Variants in USH2A observed in about 807,000 individuals in gnomAD.
USH2A encodes the protein usherin.
A neutral mutation model predicts 538.9 loss-of-function variants in USH2A; 443 were observed. The ratio of observed to expected loss-of-function variants is 0.82; its 90% CI spans 0.76 to 0.89. The LOEUF (loss-of-function observed/expected upper bound fraction) is 0.89, where lower values mean the gene tolerates loss of function less well. Among genes scored for constraint, USH2A ranks in the 40% least tolerant of loss-of-function variants. USH2A has a pLI of 0.00. For missense variants in USH2A, 6,633 were observed against 6,324.8 expected (o/e 1.05, Z -1.65); for synonymous variants, 2,413 against 2,273.5 (o/e 1.06, Z -1.75).
chr1:216,078,607 T>A (rs2031833760), intron 26 of USH2A, among the ~76,000 whole-genome samples: 1 of 152,142 alleles, frequency 6.6e-6, no homozygotes, highest in South Asian at 2.1e-4. Flanking sequence ...GATTATAGGA[T>A]GTGATGCGAT....
chr1:216,140,393 C>T lies in USH2A; in HGVS notation c.4627+34859G>A, dbSNP rs114133418. On this transcript the variant is annotated intron_variant, in intron 21 of 71. Coordinates refer to ENST00000307340, the MANE Select transcript of USH2A (RefSeq NM_206933.4). ...GACTTCTTAGGGCCATAGATTGTGCCGTGTCTGCTTAGACATCTGTATATT... is the reference window on the plus strand; with the variant it reads ...GACTTCTTAGGGCCATAGATTGTGCTGTGTCTGCTTAGACATCTGTATATT... 3.6e-3 allele frequency among the ~76,000 whole-genome samples: 546 copies of T among 152,148 alleles called. 3 individuals are homozygous for T. The highest frequency in any genetic ancestry group is 0.013 in the African/African-American group (527 of 41,508).
intron 61 of USH2A, among the ~76,000 whole-genome samples, chr1:215,685,296 A>G (rs1294466366): frequency 6.7e-6 from 1 of 149,230 alleles, no homozygotes; most frequent in African/African-American, 2.5e-5. Flanking sequence ...TGATCAACAT[A>G]TTTATGTCTA....
chr1:215,743,079 C>G, intron 59 of USH2A, 98 bp downstream of exon 59: 3 of 1,452,904 alleles, frequency 2.1e-6, no homozygotes, highest in Middle Eastern at 4.2e-4. Context: ...AAACGTTAGT[C>G]TTTATATTTG....
At chr1:216,312,099 T>A (rs2037431740) in intron 9 of USH2A, among the ~76,000 whole-genome samples, 1 of 152,104 alleles carries the variant, frequency 6.6e-6, no homozygotes, top group Non-Finnish European at 1.5e-5. Flanking sequence ...AAAAGTCTAC[T>A]GGTTTTTGTT....
intron 3 of USH2A, among the ~76,000 whole-genome samples, chr1:216,417,418 G>C (rs2039594434): frequency 6.6e-6 from 1 of 152,060 alleles, no homozygotes; most frequent in African/African-American, 2.4e-5. Context: ...AGCACCCCAA[G>C]TTACATGATT....
At position 215,750,650 on chromosome 1, in the gene USH2A, A is replaced by G. The variant is rs145297684; in HGVS notation, c.11390-7315T>C. Among the ~76,000 whole-genome samples, 515 of 152,322 alleles carry G rather than the reference A, an allele frequency of 3.4e-3. 11 individuals carry two copies. The highest frequency in any genetic ancestry group is 0.012 in the African/African-American group (492 of 41,576). Reference sequence around the variant, plus strand: ...GGGATTACAGTAGAACTCATGAAAAATCATTTGCTTTCCGCACGTTTAGGT... The same window carrying G: ...GGGATTACAGTAGAACTCATGAAAAGTCATTTGCTTTCCGCACGTTTAGGT... On this transcript the variant is annotated intron_variant, in intron 58 of 71. Transcript: ENST00000307340.
intron 44 of USH2A, among the ~76,000 whole-genome samples, chr1:215,846,539 T>C (rs1208458241): frequency 1.3e-5 from 2 of 152,138 alleles, no homozygotes; most frequent in Non-Finnish European, 2.9e-5. Context: ...ATAATTTGCG[T>C]TTTTTCCCAA....
Position 216,328,212 on chromosome 1 carries a change from A to G in USH2A, c.785-558T>C, listed in dbSNP as rs117402541. Among the ~76,000 whole-genome samples the G allele has an allele frequency of 4.0e-4, 61 of 152,222 alleles. 1 individual carries two copies. In the East Asian group the frequency reaches 0.012, roughly 29 times the overall value. On this transcript the variant is annotated intron_variant, in intron 4 of 71. Coordinates refer to ENST00000307340, the MANE Select transcript of USH2A (RefSeq NM_206933.4). ...AGGTTCTGTGTCATTCACATATATC[A>G]ATAGTATCATAGTTCACTCTCAGAA...
intron 61 of USH2A, among the ~76,000 whole-genome samples, chr1:215,699,174 C>T (rs372470146): frequency 5.9e-5 from 9 of 152,018 alleles, no homozygotes; most frequent in African/African-American, 1.9e-4. Context: ...TTTCATTGGT[C>T]TATATATCTG....
At chr1:215,896,610 C>T (rs1380066438) in intron 40 of USH2A, among the ~76,000 whole-genome samples, 1 of 152,120 alleles carries the variant, frequency 6.6e-6, no homozygotes, top group Non-Finnish European at 1.5e-5. Context: ...TCCCTGCCAA[C>T]TCTAATTTCT....
At chr1:215,724,096 A>C (rs373074024) in intron 61 of USH2A, among the ~76,000 whole-genome samples, 3 of 113,372 alleles carry the variant, frequency 2.6e-5, no homozygotes, top group Admixed American at 9.3e-5. Flanking sequence ...ATCTATATCT[A>C]TATCATCTAT....
intron 47 of USH2A, among the ~76,000 whole-genome samples, chr1:215,836,489 TATATATATA>T (rs1472838728): frequency 3.9e-4 from 1 of 2,534 alleles, no homozygotes; most frequent in Non-Finnish European, 2.1e-3. Context: ...TAATATATAT[TATATATATA>T]ATATATATTA....
intron 21 of USH2A, among the ~76,000 whole-genome samples, chr1:216,110,239 T>A (rs2032834965): frequency 6.6e-6 from 1 of 152,156 alleles, no homozygotes; most frequent in Non-Finnish European, 1.5e-5. Flanking sequence ...ATGCCTATAG[T>A]CTCAGCTATT....
At chr1:216,172,930 A>T (rs2034299322) in intron 21 of USH2A, among the ~76,000 whole-genome samples, 1 of 152,148 alleles carries the variant, frequency 6.6e-6, no homozygotes, top group African/African-American at 2.4e-5. Context: ...TGTAGCAGAG[A>T]CCTTGCCTTT....
chr1:215,845,875 C>T lies in USH2A; in HGVS notation c.9004G>A (p.Gly3002Arg). Residue 3002 changes from glycine (G) to arginine (R), a missense_variant, in exon 45 of 72, where the codon GGA becomes AGA. Physicochemically the swap from Gly to Arg is moderately radical, Grantham distance 125. Transcript: ENST00000307340. ...EYWIFISVFN[G>R]VHSINSAGLH... ...CCTGCACTGTTGATGCTGTGGACTC[C>T]ATTGAAGACAGAGATAAAGATCCAA... 1 of 1,613,842 alleles carries T rather than the reference C, an allele frequency of 6.2e-7. No homozygotes were observed. The highest frequency in any genetic ancestry group is 8.5e-7 in the Non-Finnish European group (1 of 1,179,914).
At chr1:216,035,228 A>C (rs922487817) in intron 32 of USH2A, among the ~76,000 whole-genome samples, 6 of 152,160 alleles carry the variant, frequency 3.9e-5, no homozygotes, top group Non-Finnish European at 8.8e-5. Context: ...AGCCTCTAGA[A>C]CTGCAGTTGT....
intron 21 of USH2A, among the ~76,000 whole-genome samples, chr1:216,165,680 C>T (rs1281411170): frequency 6.6e-6 from 1 of 152,094 alleles, no homozygotes; most frequent in African/African-American, 2.4e-5. Flanking sequence ...TTCTATCACT[C>T]ATTTAGTTAA....
chr1:215,795,697 A>G (rs948986712), intron 50 of USH2A, among the ~76,000 whole-genome samples: 1 of 152,120 alleles, frequency 6.6e-6, no homozygotes, highest in Non-Finnish European at 1.5e-5. Context: ...TAGACCTGTT[A>G]TTAGCTACTT....
Position 216,048,551 on chromosome 1 carries a change from A to C in USH2A, c.6146T>G (p.Ile2049Ser). ...GCTESSHALN[I>S]STPQEAPQEV... ...TACTTTACCTTCTTGTGGAGTAGAGATGTTCAATGCATGTGAGCTCTCAGT... is the reference window on the plus strand; with the variant it reads ...TACTTTACCTTCTTGTGGAGTAGAGCTGTTCAATGCATGTGAGCTCTCAGT... The change falls in exon 31 of 72, where the codon ATC becomes AGC. Residue 2049 changes from isoleucine to serine, a missense_variant. Coordinates refer to ENST00000307340, the MANE Select transcript of USH2A (RefSeq NM_206933.4). The C allele has an allele frequency of 1.2e-6, 2 of 1,614,032 alleles. No individual in the cohort carries two copies. Among genetic ancestry groups the C allele is most frequent in the South Asian group, 1.1e-5 (1 of 91,070 alleles).
Sources: gnomAD v4.1 joint callset for allele counts (sites outside exome capture counted in the v4.1 genomes callset) on GRCh38, gnomAD v4.1.1 for gene constraint, MANE v1.5 for transcripts, NCBI Gene and HGNC (gene_info 2026-07-23, HGNC 2026-07-21) for gene names.